The following FEM1C variants were observed in gnomAD, a reference collection of about 807,000 sequenced individuals.
FEM1C encodes protein fem-1 homolog C.
Under a neutral mutation model 37.6 loss-of-function variants are expected in FEM1C, and 15 were observed. The ratio of observed to expected loss-of-function variants is 0.40; its 90% CI spans 0.27 to 0.61. The LOEUF is 0.61. Ranked by LOEUF, FEM1C falls within the 20% of genes least tolerant of loss-of-function variation. The pLI is 0.42. For synonymous variants in FEM1C, 287 were observed against 272.8 expected, an observed-to-expected ratio of 1.05 and a Z score of -0.51; for missense variants, 532 against 749.7, an observed-to-expected ratio of 0.71 and a Z score of 3.39.
rs150506568 is a variant in FEM1C, at chr5:115,535,105, G to A, written c.544+7845C>T. Among the ~76,000 whole-genome samples the A allele has an allele frequency of 2.4e-4, 36 of 151,864 alleles. 1 individual carries two copies. The East Asian group carries it at 6.8e-3, about 29-fold the overall frequency. On this transcript the variant is annotated intron_variant, in intron 2 of 2. Coordinates refer to ENST00000274457, the MANE Select transcript of FEM1C (RefSeq NM_020177.3). ...TTGTGTTTTACAATTAGATTACAAA[G>A]TTTCATCCATGGAAAAGTTCCTGCA...
chr5:115,532,807 C>T (rs1191731363), intron 2 of FEM1C, among the ~76,000 whole-genome samples: 1 of 151,796 alleles, frequency 6.6e-6, no homozygotes, highest in Non-Finnish European at 1.5e-5. Context: ...AACATTTCCC[C>T]GTTGATGGAC....
chr5:115,543,793 C>A, intron 1 of FEM1C, 110 bp from the exon 2 acceptor site: 2 of 1,143,982 alleles, frequency 1.7e-6, no homozygotes, highest in Non-Finnish European at 2.2e-6. Context: ...ATACTTCAGG[C>A]ACTACTCCAT....
intron 1 of FEM1C, chr5:115,544,273 C>T: frequency 2.9e-6 from 2 of 697,630 alleles, no homozygotes; most frequent in Non-Finnish European, 3.5e-6. Flanking sequence ...CACCCCCCGC[C>T]AAGGGATGAT....
chr5:115,539,775 A>T (rs545972364), intron 2 of FEM1C, among the ~76,000 whole-genome samples: 8 of 152,200 alleles, frequency 5.3e-5, no homozygotes, highest in African/African-American at 1.9e-4. Context: ...CTCTTTGTAT[A>T]TCCTAAGTCT....
At position 115,522,613 on chromosome 5, in the gene FEM1C, T is replaced by C. The variant is rs1753798709; in HGVS notation, c.*1695A>G. 1 of 152,092 alleles carries C rather than the reference T, an allele frequency of 6.6e-6. No homozygotes were observed. 9.4% of individuals were successfully genotyped at this position (152,092 alleles called of 1,614,324 possible). ...CAAGGTTTTTACTGACTAAAGATGA[T>C]GACATACCTAATGTGACTGTTTGCA... On this transcript the variant is annotated 3_prime_UTR_variant, in exon 3 of 3. Transcript: ENST00000274457.
In FEM1C at chr5:115,521,254, A is replaced by T. The variant is rs1207824403; in HGVS notation, c.*3054T>A. Reference sequence around the variant, plus strand: ...CAATTCTAAGAAAATTAATTACAAAAATTATCATACCTGTAAATTCAGCCT... The same window carrying T: ...CAATTCTAAGAAAATTAATTACAAATATTATCATACCTGTAAATTCAGCCT... On this transcript the variant is annotated 3_prime_UTR_variant, in exon 3 of 3. Coordinates refer to ENST00000274457, the MANE Select transcript of FEM1C (RefSeq NM_020177.3). 1 of 151,680 alleles carries T rather than the reference A, an allele frequency of 6.6e-6. No homozygotes were observed. Among genetic ancestry groups the T allele is most frequent in the Non-Finnish European group, 1.5e-5 (1 of 67,696 alleles). 9.4% of individuals were successfully genotyped at this position (151,680 alleles called of 1,614,324 possible).
chr5:115,524,590 T>G lies in FEM1C; in HGVS notation c.1572A>C (p.Arg524Ser), dbSNP rs753269080. The G allele has an allele frequency of 8.7e-6, 14 of 1,612,024 alleles. No homozygotes were observed. The highest frequency in any genetic ancestry group is 1.2e-5 in the Non-Finnish European group (14 of 1,179,088). The change falls in exon 3 of 3, where the codon AGA becomes AGC. Residue 524 changes from arginine (R) to serine (S), a missense_variant. Transcript: ENST00000274457. ...LIECGADVNVRDSDDNSPLHI... is the reference protein window; with the variant it reads ...LIECGADVNVSDSDDNSPLHI... ...GCAGGGGACTGTTGTCATCCGAGTCTCTGACGTTCACATCAGCACCACATT... is the reference window on the plus strand; with the variant it reads ...GCAGGGGACTGTTGTCATCCGAGTCGCTGACGTTCACATCAGCACCACATT...
At position 115,524,224 on chromosome 5, in the gene FEM1C, T is replaced by C; in HGVS notation, c.*84A>G. 1 of 1,068,436 alleles carries C rather than the reference T, an allele frequency of 9.4e-7. No individual in the cohort carries two copies. The highest frequency in any genetic ancestry group is 1.4e-6 in the Non-Finnish European group (1 of 713,120). 66.2% of individuals were successfully genotyped at this position (1,068,436 alleles called of 1,614,324 possible). On this transcript the variant is annotated 3_prime_UTR_variant, in exon 3 of 3. Transcript: ENST00000274457. ...AATGATATCAATCAAGCTAAATGAA[T>C]GCTGGTGTTATCACAACAGTGCTCA...
rs980598452 is a variant in FEM1C at position 115,542,812 on chromosome 5, A to C, written c.544+138T>G. The C allele has an allele frequency of 3.1e-6, 3 of 975,136 alleles. No homozygotes were observed. The Admixed American group carries it at 8.2e-5, about 27-fold the overall frequency. 60.4% of individuals were successfully genotyped at this position (975,136 alleles called of 1,614,324 possible). On this transcript the variant is annotated intron_variant, in intron 2 of 2. Coordinates refer to ENST00000274457, the MANE Select transcript of FEM1C (RefSeq NM_020177.3). The stretch of plus-strand genomic sequence containing the variant: ...ACCAAACATCATAGAAACACTCAAC[A>C]AAGTCATACTGGAAGACTTACCTAA...
chr5:115,533,248 T>A (rs967247746), intron 2 of FEM1C, among the ~76,000 whole-genome samples: 2 of 152,084 alleles, frequency 1.3e-5, no homozygotes, highest in African/African-American at 4.8e-5. Flanking sequence ...TTTTCTCATA[T>A]CTGTTTATAA....
In FEM1C at chr5:115,543,305, T is replaced by C. The variant is rs1258439669; in HGVS notation, c.189A>G (p.Gln63=). 17 of 1,614,158 alleles carry C rather than the reference T, an allele frequency of 1.1e-5. No homozygotes were observed. The highest frequency in any genetic ancestry group is 1.7e-5 in the Admixed American group (1 of 60,022). Residue 63 remains glutamine (Q), a synonymous_variant, in exon 2 of 3, where the codon CAA becomes CAG. Transcript: ENST00000274457. Reference sequence around the variant, plus strand: ...CCCCAACTTCTATGGAGGCACTGCATTGCTCTAGGAGGAATTCCACCATGT... The same window carrying C: ...CCCCAACTTCTATGGAGGCACTGCACTGCTCTAGGAGGAATTCCACCATGT... ...HLDMVEFLLE[Q]CSASIEVGGS...
At chr5:115,539,750 T>TA (rs2127174793) in intron 2 of FEM1C, among the ~76,000 whole-genome samples, 1 of 152,208 alleles carries the variant, frequency 6.6e-6, no homozygotes, top group African/African-American at 2.4e-5. Flanking sequence ...AAGGACTGGC[T>TA]ATCTTGTCTT....
In FEM1C at chr5:115,525,415, C is replaced by T; in HGVS notation, c.747G>A (p.Glu249=). The T allele has an allele frequency of 6.2e-7, 1 of 1,613,636 alleles. No homozygotes were observed. Among genetic ancestry groups the T allele is most frequent in the Non-Finnish European group, 8.5e-7 (1 of 1,179,770 alleles). The change falls in exon 3 of 3, where the codon GAG becomes GAA. Residue 249 remains glutamate (E), a synonymous_variant. Coordinates refer to ENST00000274457, the MANE Select transcript of FEM1C (RefSeq NM_020177.3). ...TGTCTACAAATGTAGCTCCCAGAAG[C>T]TCTAGAGCATTAATACGTTCTGTCT... ...TSKTERINAL[E]LLGATFVDKK...
At chr5:115,541,492 G>C (rs889849139) in intron 2 of FEM1C, among the ~76,000 whole-genome samples, 1 of 152,110 alleles carries the variant, frequency 6.6e-6, no homozygotes, top group African/African-American at 2.4e-5. Flanking sequence ...CTGAAAGGCA[G>C]ACACTATCAC....
intron 2 of FEM1C, among the ~76,000 whole-genome samples, chr5:115,538,889 C>T (rs992468748): frequency 1.3e-5 from 2 of 151,976 alleles, no homozygotes; most frequent in Non-Finnish European, 2.9e-5. Context: ...GATCTAAACC[C>T]CAACCTGTCC....
At position 115,543,490 on chromosome 5, in the gene FEM1C, C is replaced by A; in HGVS notation, c.4G>T (p.Asp2Tyr). 1 of 1,601,962 alleles carries A rather than the reference C, an allele frequency of 6.2e-7. No individual in the cohort carries two copies. Among genetic ancestry groups the A allele is most frequent in the East Asian group, 2.2e-5 (1 of 44,830 alleles). The change falls in exon 2 of 3, where the codon GAT becomes TAT. Residue 2 changes from aspartate (D) to tyrosine (Y), a missense_variant. Around this residue, in one of 3 missense-constraint regions of FEM1C, gnomAD observed 74 missense variants for 85.0 expected, o/e 0.87. Transcript: ENST00000274457. The stretch of plus-strand genomic sequence containing the variant: ...GCGTTAAATACTGCTGTCTTTAGAT[C>A]CATTTATGTCCAGTTGAGAGGCTGT... MDLKTAVFNAAR... is the reference protein window; with the variant it reads MYLKTAVFNAAR...
rs1425555801 is a variant in FEM1C, at chr5:115,521,730, T to C, written c.*2578A>G. ...ATTGGTTCATTATTAAATTTACTCA[T>C]CTGTGGTTCAAAAAATAACACAAAT... On this transcript the variant is annotated 3_prime_UTR_variant, in exon 3 of 3. Coordinates refer to ENST00000274457, the MANE Select transcript of FEM1C (RefSeq NM_020177.3). 6.6e-6 allele frequency: 1 copy of C among 151,702 alleles called. No homozygotes were observed. The highest frequency in any genetic ancestry group is 2.1e-4 in the South Asian group (1 of 4,820). 9.4% of individuals were successfully genotyped at this position (151,702 alleles called of 1,614,324 possible).
rs749208562 is a variant in FEM1C, at chr5:115,524,559, C to A, written c.1603G>T (p.Ala535Ser). 3.1e-6 allele frequency: 5 copies of A among 1,613,220 alleles called. No individual in the cohort carries two copies. The Admixed American group carries it at 8.3e-5, about 27-fold the overall frequency. ...ATGTCTGGATGGTTGTTAAGAGCAG[C>A]GATATGCAGGGGACTGTTGTCATCC... ...DSDDNSPLHIAALNNHPDIMN... is the reference protein window; with the variant it reads ...DSDDNSPLHISALNNHPDIMN... Residue 535 changes from alanine to serine, a missense_variant, in exon 3 of 3, where the codon GCT becomes TCT. By Grantham distance (99) the Ala-to-Ser change is moderately conservative. Transcript: ENST00000274457.
Position 115,524,896 on chromosome 5 carries a change from T to C in FEM1C, c.1266A>G (p.Ile422Met), listed in dbSNP as rs760411709. The change falls in exon 3 of 3, where the codon ATA becomes ATG. Residue 422 changes from isoleucine to methionine, a missense_variant. This residue lies in a region of FEM1C where 237 missense variants were observed against 260.5 expected (regional missense o/e 0.91). Transcript: ENST00000274457. ...ACTGAGTTTGTTTGATAGCTCGCTCTATTTCAAGGACGCTTTTGCAAAGTA... is the reference window on the plus strand; with the variant it reads ...ACTGAGTTTGTTTGATAGCTCGCTCCATTTCAAGGACGCTTTTGCAAAGTA... Reference protein sequence around the residue: ...MGILCKSVLEIERAIKQTQCP... With the variant: ...MGILCKSVLEMERAIKQTQCP... 2 of 1,613,812 alleles carry C rather than the reference T, an allele frequency of 1.2e-6. No individual in the cohort carries two copies. The highest frequency in any genetic ancestry group is 2.2e-5 in the South Asian group (2 of 91,066).
Sources: allele counts gnomAD v4.1 joint callset (sites outside exome capture counted in the v4.1 genomes callset), GRCh38; gene constraint gnomAD v4.1.1; regional missense constraint gnomAD v4.1.1; transcripts MANE v1.5; gene names NCBI Gene and HGNC (gene_info 2026-07-23, HGNC 2026-07-21).